The following KCNMA1 variants were observed in gnomAD, a reference collection of about 807,000 sequenced individuals.
The protein encoded by KCNMA1 is Calcium-activated potassium channel subunit alpha-1.
KCNMA1 carries 29 observed loss-of-function variants against 140.0 expected under a neutral mutation model. That is an observed-to-expected ratio of 0.21 (90% CI 0.15 to 0.28). The LOEUF is 0.28. Ranked by LOEUF, KCNMA1 falls within the 10% of genes least tolerant of loss-of-function variation. The pLI, the probability that KCNMA1 is intolerant of heterozygous loss-of-function variation, is 1.00. For missense variants in KCNMA1, 880 were observed against 1,602.2 expected (o/e 0.55, Z 7.70); for synonymous variants, 612 against 611.9 (o/e 1.00, Z 0.00).
chr10:77,229,287 A>G (rs2052660475), intron 3 of KCNMA1, among the ~76,000 whole-genome samples: 1 of 150,170 alleles, frequency 6.7e-6, no homozygotes, highest in Non-Finnish European at 1.5e-5. Flanking sequence ...AACATATTGC[A>G]ATTTGGGTAT....
chr10:77,108,280 A>G lies in KCNMA1; in HGVS notation c.1223+201T>C. The G allele has an allele frequency of 6.8e-7, 1 of 1,470,850 alleles. No individual in the cohort carries two copies. Among genetic ancestry groups the G allele is most frequent in the Non-Finnish European group, 8.9e-7 (1 of 1,118,708 alleles). 91.1% of individuals were successfully genotyped at this position (1,470,850 alleles called of 1,614,324 possible). A position where few individuals can be genotyped will look rare whatever the true frequency, so the allele number is the denominator to read the frequency against. On this transcript the variant is annotated intron_variant, in intron 9 of 27. Coordinates refer to ENST00000286628, the MANE Select transcript of KCNMA1 (RefSeq NM_001161352.2). This position sits in a 1 kb window ranked among gnomAD's most constrained non-coding sequence, Gnocchi z 4.6. ...AACCACATCTTTTCTGATGCAACTG[A>G]CTTACTTTCTGCCTCCATGTTTGTT...
intron 3 of KCNMA1, among the ~76,000 whole-genome samples, chr10:77,213,416 C>A (rs925524647): frequency 6.6e-6 from 1 of 152,118 alleles, no homozygotes; most frequent in Non-Finnish European, 1.5e-5. Flanking sequence ...CTCCAAGAAC[C>A]AAATCACCAA....
At chr10:77,276,969 A>G (rs1297369688) in intron 2 of KCNMA1, among the ~76,000 whole-genome samples, 1 of 152,134 alleles carries the variant, frequency 6.6e-6, no homozygotes, top group African/African-American at 2.4e-5. Flanking sequence ...GCTGTTAGGT[A>G]ATTCTCCCAA....
chr10:76,950,303 A>G (rs2065776930), intron 21 of KCNMA1, among the ~76,000 whole-genome samples: 1 of 152,216 alleles, frequency 6.6e-6, no homozygotes, highest in African/African-American at 2.4e-5. Flanking sequence ...CAGAGAAAAG[A>G]TCTCCCCAAA....
At chr10:77,117,366 C>T (rs1335622955) in intron 6 of KCNMA1, among the ~76,000 whole-genome samples, 2 of 151,534 alleles carry the variant, frequency 1.3e-5, no homozygotes, top group South Asian at 2.1e-4. Flanking sequence ...GTGGCCAACA[C>T]GGTGAAACCC....
chr10:77,122,497 G>T (rs572107184), intron 5 of KCNMA1, among the ~76,000 whole-genome samples: 1 of 152,002 alleles, frequency 6.6e-6, no homozygotes, highest in South Asian at 2.1e-4. Context: ...AACCGACCAC[G>T]GCGCAGAGTA....
At chr10:77,478,287 G>T (rs1434926342) in intron 1 of KCNMA1, among the ~76,000 whole-genome samples, 2 of 152,320 alleles carry the variant, frequency 1.3e-5, no homozygotes, top group East Asian at 3.9e-4. Context: ...CAACAGAGCT[G>T]AGCTGCAGTC....
At chr10:77,314,805 G>A (rs376232205) in intron 2 of KCNMA1, among the ~76,000 whole-genome samples, 1 of 151,974 alleles carries the variant, frequency 6.6e-6, no homozygotes, top group Non-Finnish European at 1.5e-5. Flanking sequence ...CATCATCCCT[G>A]CCCTCTCGTC....
intron 2 of KCNMA1, among the ~76,000 whole-genome samples, chr10:77,264,505 G>A (rs957804290): frequency 1.3e-4 from 20 of 152,228 alleles, no homozygotes; most frequent in African/African-American, 2.6e-4. Context: ...TATGATGTTC[G>A]AGTATGCTTC....
intron 9 of KCNMA1, among the ~76,000 whole-genome samples, chr10:77,100,029 T>C (rs1269258113): frequency 6.6e-6 from 1 of 152,200 alleles, no homozygotes; most frequent in Non-Finnish European, 1.5e-5. Flanking sequence ...CTTCCATGAT[T>C]TCAATGAATA....
intron 2 of KCNMA1, among the ~76,000 whole-genome samples, chr10:77,367,378 C>T (rs1012651175): frequency 2.0e-5 from 3 of 152,078 alleles, no homozygotes; most frequent in South Asian, 2.1e-4. Flanking sequence ...GGTCTCTCAG[C>T]GTAGGAATGA....
intron 14 of KCNMA1, among the ~76,000 whole-genome samples, chr10:77,041,487 G>A (rs1398480850): frequency 1.3e-5 from 2 of 150,524 alleles, no homozygotes; most frequent in African/African-American, 4.9e-5. Context: ...TTTTGGTAGA[G>A]ACAGGGTTTC....
intron 5 of KCNMA1, among the ~76,000 whole-genome samples, chr10:77,162,084 C>G (rs1016091374): frequency 2.0e-5 from 3 of 152,110 alleles, no homozygotes; most frequent in African/African-American, 7.2e-5. Context: ...GTAGTTATTA[C>G]TTTGAGCTCA....
At chr10:77,566,823 T>C (rs1216677110) in intron 1 of KCNMA1, among the ~76,000 whole-genome samples, 1 of 151,870 alleles carries the variant, frequency 6.6e-6, no homozygotes, top group African/African-American at 2.4e-5. Flanking sequence ...CTTGCATTCT[T>C]CGGCTACAGA....
At chr10:77,218,096 G>T (rs1402294552) in intron 3 of KCNMA1, among the ~76,000 whole-genome samples, 2 of 152,196 alleles carry the variant, frequency 1.3e-5, no homozygotes, top group African/African-American at 2.4e-5. Context: ...AAGTTCAGAG[G>T]AGATAAGTAT....
intron 1 of KCNMA1, among the ~76,000 whole-genome samples, chr10:77,572,340 C>T (rs1002753259): frequency 1.2e-4 from 18 of 151,576 alleles, no homozygotes; most frequent in Non-Finnish European, 2.2e-4. Flanking sequence ...CTCAGTTCGT[C>T]CTCACAAAAG....
intron 2 of KCNMA1, among the ~76,000 whole-genome samples, chr10:77,315,046 T>C (rs2080452822): frequency 6.6e-6 from 1 of 152,176 alleles, no homozygotes; most frequent in South Asian, 2.1e-4. Context: ...TCTTATGATG[T>C]TGGTGATGAC....
chr10:77,042,228 A>G (rs539254662), intron 14 of KCNMA1, among the ~76,000 whole-genome samples: 1 of 147,276 alleles, frequency 6.8e-6, no homozygotes, highest in South Asian at 2.1e-4. Flanking sequence ...GATTTTAAAA[A>G]TTAACTGCAA....
At chr10:77,084,281 G>A (rs1023757486) in intron 12 of KCNMA1, among the ~76,000 whole-genome samples, 1 of 152,144 alleles carries the variant, frequency 6.6e-6, no homozygotes, top group Non-Finnish European at 1.5e-5. Context: ...TCTGCCTTTA[G>A]TTAAGATATC....
Sources: gnomAD v4.1 joint callset for allele counts (sites outside exome capture counted in the v4.1 genomes callset) on GRCh38, gnomAD v4.1.1 for gene constraint, Gnocchi (gnomAD v3.1) non-coding constraint, MANE v1.5 for transcripts, NCBI Gene and HGNC (gene_info 2026-07-23, HGNC 2026-07-21) for gene names.